The following NLN variants were observed in gnomAD, a reference collection of about 807,000 sequenced individuals.
NLN encodes neurolysin, also known as neurolysin, mitochondrial.
In NLN, 64 loss-of-function variants were observed where a neutral mutation model predicts 79.9. The observed-to-expected ratio is 0.80, with a 90% CI of 0.65 to 0.99. The LOEUF (loss-of-function observed/expected upper bound fraction) is 0.99. Among genes scored for constraint, NLN ranks in the 50% least tolerant of loss-of-function variants. The pLI, the probability that NLN is intolerant of heterozygous loss-of-function variation, is 0.00. For synonymous variants in NLN, 267 were observed against 296.6 expected (o/e 0.90, Z 1.02); for missense variants, 835 against 858.7 (o/e 0.97, Z 0.34).
chr5:65,724,439 A>T (rs966697555), intron 1 of NLN, among the ~76,000 whole-genome samples: 4 of 152,300 alleles, frequency 2.6e-5, no homozygotes, highest in Non-Finnish European at 5.9e-5. Context: ...TTTAAAACTG[A>T]ATAATATTTC....
At chr5:65,807,423 G>C (rs1760438892) in intron 9 of NLN, among the ~76,000 whole-genome samples, 1 of 151,586 alleles carries the variant, frequency 6.6e-6, no homozygotes, top group Admixed American at 6.6e-5. Flanking sequence ...GTCTTTGTGG[G>C]TGTTTTTGGT....
intron 10 of NLN, 103 bp from the exon 11 acceptor site, chr5:65,809,934 G>A: frequency 2.3e-6 from 3 of 1,307,334 alleles, no homozygotes; most frequent in Middle Eastern, 1.9e-4. Flanking sequence ...CTCCCATTTT[G>A]TGAGTACTAC....
At chr5:65,806,793 GCTAT>G (rs1760422151) in intron 9 of NLN, among the ~76,000 whole-genome samples, 1 of 152,210 alleles carries the variant, frequency 6.6e-6, no homozygotes, top group African/African-American at 2.4e-5. Context: ...TGGGTGAAAT[GCTAT>G]CTAACAGCAT....
At chr5:65,740,406 C>T (rs1758843431) in intron 1 of NLN, among the ~76,000 whole-genome samples, 1 of 152,182 alleles carries the variant, frequency 6.6e-6, no homozygotes, top group African/African-American at 2.4e-5. Flanking sequence ...CTTATGAAGG[C>T]AAAGCCCTCA....
chr5:65,748,779 T>C (rs1316298681), intron 1 of NLN, among the ~76,000 whole-genome samples: 2 of 151,988 alleles, frequency 1.3e-5, no homozygotes, highest in Non-Finnish European at 2.9e-5. Context: ...AAAAAGAAAC[T>C]GAAGTTAAGG....
chr5:65,732,383 T>C (rs1278373363), intron 1 of NLN, among the ~76,000 whole-genome samples: 1 of 139,788 alleles, frequency 7.2e-6, no homozygotes, highest in Non-Finnish European at 1.6e-5. Flanking sequence ...GGAAGTGTGT[T>C]TGAAGTTAAT....
At chr5:65,765,018 A>G (rs551947203) in intron 3 of NLN, among the ~76,000 whole-genome samples, 73 of 152,342 alleles carry the variant, frequency 4.8e-4, no homozygotes, top group Non-Finnish European at 9.0e-4. Flanking sequence ...AAAATCAGAT[A>G]TCCAAATATT....
At chr5:65,750,121 A>T (rs570357106) in intron 1 of NLN, among the ~76,000 whole-genome samples, 12 of 152,296 alleles carry the variant, frequency 7.9e-5, no homozygotes, top group Non-Finnish European at 1.6e-4. Flanking sequence ...TGCTTGGCAT[A>T]CATGTGCTGT....
chr5:65,729,622 C>T (rs892243257), intron 1 of NLN, among the ~76,000 whole-genome samples: 4 of 152,256 alleles, frequency 2.6e-5, no homozygotes, highest in East Asian at 3.9e-4. Flanking sequence ...GATTCACCCG[C>T]GTCGGCCTCC....
intron 6 of NLN, among the ~76,000 whole-genome samples, chr5:65,783,834 C>G (rs1475164364): frequency 6.6e-6 from 1 of 151,888 alleles, no homozygotes; most frequent in Non-Finnish European, 1.5e-5. Context: ...TCTAATTAAA[C>G]TATTTAATTT....
chr5:65,794,633 T>C (rs1760132516), intron 9 of NLN, among the ~76,000 whole-genome samples: 1 of 151,778 alleles, frequency 6.6e-6, no homozygotes, highest in Non-Finnish European at 1.5e-5. Flanking sequence ...TTTGCAAAAA[T>C]ATGTACAGTG....
At chr5:65,802,219 G>A (rs2150769785) in intron 9 of NLN, among the ~76,000 whole-genome samples, 1 of 152,324 alleles carries the variant, frequency 6.6e-6, no homozygotes, top group East Asian at 1.9e-4. Flanking sequence ...CCTGCCAAGG[G>A]CAAGTGGAGT....
chr5:65,752,272 A>G (rs1262536147), intron 1 of NLN, among the ~76,000 whole-genome samples: 1 of 152,194 alleles, frequency 6.6e-6, no homozygotes, highest in African/African-American at 2.4e-5. Context: ...CATGTTTTGA[A>G]AAGTGCTTTG....
intron 1 of NLN, among the ~76,000 whole-genome samples, chr5:65,749,621 A>G (rs1001555423): frequency 5.3e-5 from 8 of 152,224 alleles, no homozygotes; most frequent in African/African-American, 1.9e-4. Flanking sequence ...GAACAGTGGC[A>G]GAATGTATGC....
chr5:65,800,662 T>TTATTTATTTATTTA (rs1561208346), intron 9 of NLN, among the ~76,000 whole-genome samples: 1 of 69,286 alleles, frequency 1.4e-5, no homozygotes, highest in African/African-American at 5.5e-5. Context: ...AAGAAAACTC[T>TTATTTATTTATTTA]CTTATTTATT....
intron 2 of NLN, among the ~76,000 whole-genome samples, chr5:65,759,446 A>G (rs1035029548): frequency 1.3e-5 from 2 of 151,430 alleles, no homozygotes; most frequent in Non-Finnish European, 2.9e-5. Flanking sequence ...AAACATATGT[A>G]TGTGTGGGGA....
chr5:65,738,349 T>C (rs139279866), intron 1 of NLN, among the ~76,000 whole-genome samples: 1 of 152,038 alleles, frequency 6.6e-6, no homozygotes, highest in African/African-American at 2.4e-5. Flanking sequence ...CCTAGGAGGA[T>C]GAGGCAGGAG....
At chr5:65,734,950 A>G (rs1258799498) in intron 1 of NLN, among the ~76,000 whole-genome samples, 2 of 152,242 alleles carry the variant, frequency 1.3e-5, no homozygotes, top group Admixed American at 1.3e-4. Flanking sequence ...AAAGAAATAG[A>G]TGAATGATAT....
At chr5:65,739,758 T>A (rs983730297) in intron 1 of NLN, among the ~76,000 whole-genome samples, 4 of 152,210 alleles carry the variant, frequency 2.6e-5, no homozygotes, top group African/African-American at 9.6e-5. Flanking sequence ...CTAATGTTGA[T>A]GTTGAGCATT....
Sources: gnomAD v4.1 joint callset for allele counts (sites outside exome capture counted in the v4.1 genomes callset) on GRCh38, gnomAD v4.1.1 for gene constraint, MANE v1.5 for transcripts, NCBI Gene and HGNC (gene_info 2026-07-23, HGNC 2026-07-21) for gene names.